Variants in IQCK observed in about 807,000 individuals in gnomAD.
The protein encoded by IQCK is IQ domain-containing protein K.
A neutral mutation model predicts 28.1 loss-of-function variants in IQCK; 29 were observed. The ratio of observed to expected loss-of-function variants is 1.03; its 90% CI spans 0.77 to 1.41. The LOEUF is 1.41. Among genes scored for constraint, IQCK ranks in the 40% most tolerant of loss-of-function variants. IQCK has a pLI of 0.00. For synonymous variants in IQCK, 113 were observed against 115.1 expected, an observed-to-expected ratio of 0.98 and a Z score of 0.12; for missense variants, 359 against 314.7, an observed-to-expected ratio of 1.14 and a Z score of -1.07.
intron 9 of IQCK, among the ~76,000 whole-genome samples, chr16:19,832,898 A>G (rs2056250842): frequency 6.6e-6 from 1 of 152,172 alleles, no homozygotes; most frequent in South Asian, 2.1e-4. Context: ...ACTCACTATC[A>G]TAAGAACAGT....
intron 9 of IQCK, among the ~76,000 whole-genome samples, chr16:19,837,589 G>C (rs2141106575): frequency 6.6e-6 from 1 of 152,254 alleles, no homozygotes; most frequent in South Asian, 2.1e-4. Flanking sequence ...GCCGTGTATG[G>C]AATTAAATAG....
At chr16:19,718,935 A>G (rs1320216966) in intron 1 of IQCK, among the ~76,000 whole-genome samples, 1 of 152,206 alleles carries the variant, frequency 6.6e-6, no homozygotes, top group Non-Finnish European at 1.5e-5. Context: ...TAACGTAGGT[A>G]GTCGGTGGCC....
chr16:19,829,762 G>A (rs144420458), downstream of IQCK, among the ~76,000 whole-genome samples: 20 of 152,264 alleles, frequency 1.3e-4, no homozygotes, highest in East Asian at 3.7e-3. Flanking sequence ...ATGCTTGACT[G>A]TACAGCTGCT....
intron 4 of IQCK, among the ~76,000 whole-genome samples, chr16:19,742,864 A>T (rs2054856450): frequency 6.6e-6 from 1 of 152,192 alleles, no homozygotes. Context: ...ATGAATGAAT[A>T]TGGATTCTCA....
exon 10 of IQCK, chr16:19,857,178 T>C (rs2056572665): frequency 3.9e-6 from 1 of 256,892 alleles, no homozygotes; most frequent in Non-Finnish European, 7.5e-6. Flanking sequence ...ATATGTTCTG[T>C]GGTTTGCTGT....
At chr16:19,718,418 G>A (rs545651391) in exon 1 of IQCK, 1 of 1,606,208 alleles carries the variant, frequency 6.2e-7, no homozygotes, top group Non-Finnish European at 8.5e-7. Context: ...CGCGTCCCGC[G>A]AGCTGCCTGT....
chr16:19,822,154 G>A (rs1231004481), intron 7 of IQCK, among the ~76,000 whole-genome samples: 6 of 150,194 alleles, frequency 4.0e-5, no homozygotes, highest in Non-Finnish European at 4.4e-5. Flanking sequence ...TTGGGAGGCC[G>A]AGGCAGGCAG....
intron 1 of IQCK, among the ~76,000 whole-genome samples, chr16:19,729,231 C>G (rs1207924912): frequency 6.6e-6 from 1 of 152,210 alleles, no homozygotes; most frequent in African/African-American, 2.4e-5. Flanking sequence ...CCTCAGCCTC[C>G]TGAGTAGCTG....
At chr16:19,843,716 G>A (rs1207233674) in intron 9 of IQCK, among the ~76,000 whole-genome samples, 1 of 152,182 alleles carries the variant, frequency 6.6e-6, no homozygotes, top group Non-Finnish European at 1.5e-5. Flanking sequence ...TTCCCGGCTT[G>A]CAGACAGCCA....
At chr16:19,826,963 G>T in intron 7 of IQCK, 63 bp from the exon 8 acceptor site, 1 of 1,023,714 alleles carries the variant, frequency 9.8e-7, no homozygotes, top group Non-Finnish European at 1.6e-6. Flanking sequence ...TCCATGCAGG[G>T]TTAATAAGCT....
intron 4 of IQCK, among the ~76,000 whole-genome samples, chr16:19,741,588 GAA>G (rs1345510366): frequency 6.6e-6 from 1 of 152,152 alleles, no homozygotes; most frequent in Non-Finnish European, 1.5e-5. Context: ...GAGACTAAAT[GAA>G]AACAGTCTAG....
exon 10 of IQCK, chr16:19,858,440 T>C: frequency 1.5e-6 from 1 of 656,472 alleles, no homozygotes; most frequent in Non-Finnish European, 2.8e-6. Context: ...CCTTATATGC[T>C]TGGACAATAA....
intron 6 of IQCK, among the ~76,000 whole-genome samples, chr16:19,784,583 G>A (rs896522891): frequency 6.6e-6 from 1 of 152,140 alleles, no homozygotes; most frequent in African/African-American, 2.4e-5. Context: ...CCTAAGTGCT[G>A]GAGATACCAA....
At chr16:19,725,807 C>G (rs948317696) in intron 1 of IQCK, among the ~76,000 whole-genome samples, 2 of 152,168 alleles carry the variant, frequency 1.3e-5, no homozygotes, top group African/African-American at 4.8e-5. Flanking sequence ...TTTTCCCATA[C>G]TTCATACTTC....
chr16:19,802,639 T>TAA (rs1363512049), intron 7 of IQCK, among the ~76,000 whole-genome samples: 5 of 149,282 alleles, frequency 3.3e-5, no homozygotes, highest in African/African-American at 1.2e-4. Context: ...TGCCCTCCTT[T>TAA]AAGTTCTTCA....
intron 7 of IQCK, among the ~76,000 whole-genome samples, chr16:19,807,135 C>T (rs2055844515): frequency 6.6e-6 from 1 of 152,214 alleles, no homozygotes; most frequent in South Asian, 2.1e-4. Context: ...TCTTGATCAT[C>T]CCTATGGGGG....
At chr16:19,805,337 A>G (rs543399675) in intron 7 of IQCK, among the ~76,000 whole-genome samples, 1 of 152,118 alleles carries the variant, frequency 6.6e-6, no homozygotes, top group Non-Finnish European at 1.5e-5. Flanking sequence ...ATCCTTTGCA[A>G]TTTGGGGTCT....
At chr16:19,843,259 A>G (rs1312127436) in intron 9 of IQCK, among the ~76,000 whole-genome samples, 2 of 152,160 alleles carry the variant, frequency 1.3e-5, no homozygotes, top group African/African-American at 2.4e-5. Flanking sequence ...CTTTTAGTAT[A>G]TCACAGATAC....
chr16:19,846,861 T>A (rs777441742), intron 9 of IQCK, among the ~76,000 whole-genome samples: 1 of 152,122 alleles, frequency 6.6e-6, no homozygotes, highest in Non-Finnish European at 1.5e-5. Flanking sequence ...TTTTCTATAA[T>A]GTATTGCTCT....
Sources: allele counts gnomAD v4.1 joint callset (sites outside exome capture counted in the v4.1 genomes callset), GRCh38; gene constraint gnomAD v4.1.1; transcripts MANE v1.5; gene names NCBI Gene and HGNC (gene_info 2026-07-23, HGNC 2026-07-21).